Variants in C19orf12 observed in about 807,000 individuals in gnomAD.
C19orf12 encodes protein C19orf12.
In C19orf12, 2 loss-of-function variants were observed where a neutral mutation model predicts 3.8. That is an observed-to-expected ratio of 0.53 (90% CI 0.22 to 1.66). The LOEUF (loss-of-function observed/expected upper bound fraction) is 1.66, where lower values mean the gene tolerates loss of function less well. Ranked by LOEUF, C19orf12 falls within the 40% of genes most tolerant of loss-of-function variation. The pLI, the probability that C19orf12 is intolerant of heterozygous loss-of-function variation, is 0.20. For missense variants in C19orf12, 156 were observed against 188.8 expected (o/e 0.83, Z 1.02); for synonymous variants, 89 against 84.6 (o/e 1.05, Z -0.28).
In C19orf12 at chr19:29,702,725, T is replaced by C. The variant is rs73023451; in HGVS notation, c.413A>G (p.Gln138Arg). ...CGGAGGTGCGGCCTAGTCATCATAC[T>C]GGATCTCGGCCCGCAGCTCCTTGGT... ...YVTKELRAEI[Q>R]YDD Residue 138 changes from glutamine to arginine, a missense_variant, in exon 3 of 3, where the codon CAG becomes CGG. Coordinates refer to ENST00000323670, the MANE Select transcript of C19orf12 (RefSeq NM_031448.6). 3.4e-3 allele frequency: 5,412 copies of C among 1,613,840 alleles called. 13 individuals are homozygous for C. The highest frequency in any genetic ancestry group is 4.3e-3 in the Non-Finnish European group (5,023 of 1,180,012).
intron 2 of C19orf12, chr19:29,705,251 C>T (rs1232432485): frequency 2.4e-6 from 1 of 413,600 alleles, no homozygotes; most frequent in Admixed American, 3.0e-5. Context: ...CAAATTCAAA[C>T]TGAGAGATGT....
chr19:29,705,508 A>AG (rs1972330141), intron 2 of C19orf12: 1 of 219,172 alleles, frequency 4.6e-6, no homozygotes, highest in Admixed American at 5.7e-5. Flanking sequence ...TTGGTTTCTT[A>AG]GGTTTTTTTT....
intron 2 of C19orf12, 113 bp from the exon 3 acceptor site, chr19:29,703,090 G>C: frequency 7.1e-7 from 1 of 1,415,998 alleles, no homozygotes; most frequent in Non-Finnish European, 9.9e-7. Flanking sequence ...TTCATGAGCG[G>C]GCTGCAGCGG....
In C19orf12 at chr19:29,702,081, C is replaced by G; in HGVS notation, c.*631G>C. 1 of 448,860 alleles carries G rather than the reference C, an allele frequency of 2.2e-6. No individual in the cohort carries two copies. The highest frequency in any genetic ancestry group is 4.5e-6 in the Non-Finnish European group (1 of 223,212). 27.8% of individuals were successfully genotyped at this position (448,860 alleles called of 1,614,324 possible). ...TCAGATGGGAAGAGCGAGGCCCTGG[C>G]AGGGCGAGTCTAGGTGTGCAGCCTA... On this transcript the variant is annotated 3_prime_UTR_variant, in exon 3 of 3. Transcript: ENST00000323670.
At chr19:29,715,738 C>G (rs1200411082), upstream of C19orf12, 1 of 156,286 alleles carries the variant, frequency 6.4e-6, no homozygotes, top group East Asian at 1.9e-4. Context: ...GTTCCAGAGC[C>G]TGCTCTGGAG....
Position 29,699,520 on chromosome 19 carries a change from G to T in C19orf12, c.*3192C>A, listed in dbSNP as rs8107268. ...AAGAAAAAAAGAAAAAAATATATGT[G>T]TACCTACATAGCATTAAAACAATTG... On this transcript the variant is annotated 3_prime_UTR_variant, in exon 3 of 3. Coordinates refer to ENST00000323670, the MANE Select transcript of C19orf12 (RefSeq NM_031448.6). The T allele has an allele frequency of 1.1e-5, 5 of 450,076 alleles. No individual in the cohort carries two copies. The highest frequency in any genetic ancestry group is 4.8e-5 in the Admixed American group (2 of 41,746). The allele number at this position is 450,076 out of a possible 1,614,324, so 27.9% of individuals were successfully genotyped here. A position where few individuals can be genotyped will look rare whatever the true frequency, so the allele number is the denominator to read the frequency against.
upstream of C19orf12, chr19:29,715,468 G>T (rs1482708946): frequency 5.0e-6 from 2 of 396,700 alleles, no homozygotes; most frequent in South Asian, 1.7e-5. Context: ...GAGGCGCCCG[G>T]AGAAGAGTCC....
In C19orf12 at chr19:29,715,191, GC is replaced by G. The variant is rs1180296681; in HGVS notation, c.-78del. 4.1e-6 allele frequency: 2 copies of G among 490,068 alleles called. No individual in the cohort carries two copies. The highest frequency in any genetic ancestry group is 1.9e-5 in the South Asian group (1 of 51,298). The allele number at this position is 490,068 out of a possible 1,614,324, so 30.4% of individuals were successfully genotyped here. On this transcript the variant is annotated 5_prime_UTR_variant, in exon 1 of 3. Transcript: ENST00000323670. ...CGCGGCTGCAGCCCGGGCCTGGCAG[GC>G]CCCGGGCTCCCCGCCCAGCTCCCCA...
chr19:29,702,742 C>T lies in C19orf12; in HGVS notation c.396G>A (p.Glu132=), dbSNP rs752074465. ...LAMLVNYVTK[E]LRAEIQYDD is the part of the protein sequence containing the mutation. ...CATCATACTGGATCTCGGCCCGCAG[C>T]TCCTTGGTGACGTAGTTCACCAGCA... The change falls in exon 3 of 3, where the codon GAG becomes GAA. Residue 132 remains glutamate, a synonymous_variant. Transcript: ENST00000323670. The T allele has an allele frequency of 4.8e-5, 78 of 1,613,808 alleles. No homozygotes were observed. The South Asian group carries it at 7.9e-4, about 16-fold the overall frequency.
chr19:29,714,419 G>C (rs1281204870), intron 1 of C19orf12, among the ~76,000 whole-genome samples: 7 of 152,214 alleles, frequency 4.6e-5, no homozygotes, highest in Admixed American at 4.6e-4. Context: ...GCTTGAACGA[G>C]GGAGGTGGAG....
upstream of C19orf12, chr19:29,715,787 G>C (rs2145664940): frequency 6.5e-6 from 1 of 153,996 alleles, no homozygotes; most frequent in South Asian, 1.9e-4. Context: ...AAGCAGGTTG[G>C]GTGGGACTCG....
At chr19:29,705,782 T>C (rs987494769) in intron 2 of C19orf12, among the ~76,000 whole-genome samples, 1 of 152,150 alleles carries the variant, frequency 6.6e-6, no homozygotes, top group African/African-American at 2.4e-5. Flanking sequence ...CCTCCCAAAG[T>C]GCTGAGACTA....
chr19:29,704,101 C>G (rs1172857667), intron 2 of C19orf12, among the ~76,000 whole-genome samples: 1 of 152,210 alleles, frequency 6.6e-6, no homozygotes, highest in Non-Finnish European at 1.5e-5. Context: ...GTTAAAGGAC[C>G]TGGGGACAGA....
Position 29,699,025 on chromosome 19 carries a change from C to G in C19orf12, c.*3687G>C, listed in dbSNP as rs994394463. On this transcript the variant is annotated 3_prime_UTR_variant, in exon 3 of 3. Transcript: ENST00000323670. ...TAAAAATCCACAAATGGAATTCACA[C>G]CAGGCACATGGTTAGGCACAGTGGA... 2.2e-5 allele frequency: 10 copies of G among 453,774 alleles called. No individual in the cohort carries two copies. The highest frequency in any genetic ancestry group is 6.8e-4 in the Middle Eastern group (1 of 1,466). The allele number at this position is 453,774 out of a possible 1,614,324, so 28.1% of individuals were successfully genotyped here. A position where few individuals can be genotyped will look rare whatever the true frequency, so the allele number is the denominator to read the frequency against.
Position 29,701,711 on chromosome 19 carries a change from G to A in C19orf12, c.*1001C>T. On this transcript the variant is annotated 3_prime_UTR_variant, in exon 3 of 3. Transcript: ENST00000323670. Reference sequence around the variant, plus strand: ...TACTGTGTTTTTTTTTTAAATTGAAGGTTTGTAGCAGCCTGGCATCAGGCA... The same window carrying A: ...TACTGTGTTTTTTTTTTAAATTGAAAGTTTGTAGCAGCCTGGCATCAGGCA... 2.2e-6 allele frequency: 1 copy of A among 451,696 alleles called. No homozygotes were observed. Among genetic ancestry groups the A allele is most frequent in the Non-Finnish European group, 4.4e-6 (1 of 225,844 alleles). The allele number at this position is 451,696 out of a possible 1,614,324, so 28.0% of individuals were successfully genotyped here. A position where few individuals can be genotyped will look rare whatever the true frequency, so the allele number is the denominator to read the frequency against.
chr19:29,700,878 G>A lies in C19orf12; in HGVS notation c.*1834C>T. On this transcript the variant is annotated 3_prime_UTR_variant, in exon 3 of 3. Transcript: ENST00000323670. ...CCCTCCGAGCCTCCAGGGCCTGAGA[G>A]GAGAGCCCCAAGTCCCTGCCCTGCC... 2.2e-6 allele frequency: 1 copy of A among 454,052 alleles called. No individual in the cohort carries two copies. The highest frequency in any genetic ancestry group is 1.6e-5 in the South Asian group (1 of 64,466). 28.1% of individuals were successfully genotyped at this position (454,052 alleles called of 1,614,324 possible). A position where few individuals can be genotyped will look rare whatever the true frequency, so the allele number is the denominator to read the frequency against.
intron 2 of C19orf12, among the ~76,000 whole-genome samples, chr19:29,707,495 T>G (rs745722457): frequency 3.9e-5 from 6 of 152,228 alleles, no homozygotes; most frequent in Non-Finnish European, 8.8e-5. Context: ...CCACACCATA[T>G]GTGCTGAGAA....
chr19:29,700,458 A>G lies in C19orf12; in HGVS notation c.*2254T>C, dbSNP rs1329027076. 2.2e-6 allele frequency: 1 copy of G among 454,038 alleles called. No homozygotes were observed. Among genetic ancestry groups the G allele is most frequent in the East Asian group, 6.9e-5 (1 of 14,390 alleles). 28.1% of individuals were successfully genotyped at this position (454,038 alleles called of 1,614,324 possible). A position where few individuals can be genotyped will look rare whatever the true frequency, so the allele number is the denominator to read the frequency against. Reference sequence around the variant, plus strand: ...TTAGAGCCCACTAAAGCTATACAAAATTGGGAGGGGGCATGCTCTGATTTT... The same window carrying G: ...TTAGAGCCCACTAAAGCTATACAAAGTTGGGAGGGGGCATGCTCTGATTTT... On this transcript the variant is annotated 3_prime_UTR_variant, in exon 3 of 3. Coordinates refer to ENST00000323670, the MANE Select transcript of C19orf12 (RefSeq NM_031448.6).
rs180882102 is a variant in C19orf12 at position 29,702,424 on chromosome 19, C to T, written c.*288G>A. 14 of 616,726 alleles carry T rather than the reference C, an allele frequency of 2.3e-5. No individual in the cohort carries two copies. Among genetic ancestry groups the T allele is most frequent in the East Asian group, 1.0e-4 (3 of 29,564 alleles). 38.2% of individuals were successfully genotyped at this position (616,726 alleles called of 1,614,324 possible). Reference sequence around the variant, plus strand: ...CATGCGGGTGAGAGGACTCAGCAGACGCCTCCGAAGCCTGCGGCAGGCAGG... The same window carrying T: ...CATGCGGGTGAGAGGACTCAGCAGATGCCTCCGAAGCCTGCGGCAGGCAGG... On this transcript the variant is annotated 3_prime_UTR_variant, in exon 3 of 3. Coordinates refer to ENST00000323670, the MANE Select transcript of C19orf12 (RefSeq NM_031448.6).
Sources: allele counts gnomAD v4.1 joint callset (sites outside exome capture counted in the v4.1 genomes callset), GRCh38; gene constraint gnomAD v4.1.1; transcripts MANE v1.5; gene names NCBI Gene and HGNC (gene_info 2026-07-23, HGNC 2026-07-21).